The following ST6GALNAC1 variants were observed in gnomAD, a reference collection of about 807,000 sequenced individuals.
ST6GALNAC1 encodes the protein alpha-N-acetylgalactosaminide alpha-2,6-sialyltransferase 1.
Under a neutral mutation model 56.8 loss-of-function variants are expected in ST6GALNAC1, and 45 were observed. The ratio of observed to expected loss-of-function variants is 0.79; its 90% CI spans 0.62 to 1.02. The LOEUF (loss-of-function observed/expected upper bound fraction) is 1.02, where lower values mean the gene tolerates loss of function less well. Among genes scored for constraint, ST6GALNAC1 ranks in the 50% least tolerant of loss-of-function variants. The pLI is 0.00. For missense variants in ST6GALNAC1, 743 were observed against 754.8 expected (o/e 0.98, Z 0.18); for synonymous variants, 295 against 297.8 (o/e 0.99, Z 0.10).
the ST6GALNAC1 span, among the ~76,000 whole-genome samples, chr17:76,619,677 T>C: frequency 6.6e-6 from 1 of 152,008 alleles, no homozygotes; most frequent in African/African-American, 2.4e-5. Flanking sequence ...ATTCTGAGGA[T>C]ATATAATTGA....
Position 76,625,359 on chromosome 17 carries a change from C to T in ST6GALNAC1, c.1774G>A (p.Gly592Ser). The T allele has an allele frequency of 6.2e-7, 1 of 1,613,784 alleles. No individual in the cohort carries two copies. The highest frequency in any genetic ancestry group is 8.5e-7 in the Non-Finnish European group (1 of 1,180,022). The change falls in exon 9 of 9, where the codon GGT (glycine) becomes AGT (serine). Residue 592 changes from glycine (G) to serine (S), a missense_variant. Coordinates refer to ENST00000156626, the MANE Select transcript of ST6GALNAC1 (RefSeq NM_018414.5). ...EGIIRLYQRP[G>S]PGTAKAKN ...TTCTTGGCTTTGGCAGTTCCGGGAC[C>T]AGGACGCTGGTACAGCCGGATTATC...
intron 6 of ST6GALNAC1, 65 bp from the exon 7 acceptor site, chr17:76,626,160 G>T (rs1230657262): frequency 1.9e-6 from 3 of 1,575,268 alleles, no homozygotes; most frequent in Non-Finnish European, 2.6e-6. Flanking sequence ...GCCAAGTCAG[G>T]GTCATGAGCA....
At chr17:76,622,563 C>T (rs2075752543), downstream of ST6GALNAC1, among the ~76,000 whole-genome samples, 1 of 152,028 alleles carries the variant, frequency 6.6e-6, no homozygotes, top group Admixed American at 6.6e-5. Flanking sequence ...TGGGGTTTCG[C>T]CATGTTGGCC....
chr17:76,629,133 G>A lies in ST6GALNAC1; in HGVS notation c.710C>T (p.Pro237Leu), dbSNP rs1214124756. The A allele has an allele frequency of 6.2e-7, 1 of 1,613,508 alleles. No individual in the cohort carries two copies. Among genetic ancestry groups the A allele is most frequent in the South Asian group, 1.1e-5 (1 of 91,078 alleles). ...KEKKPQATPP[P>L]APFQSPTTQR... ...CGTCGTGGGGCTCTGGAAAGGGGCA[G>A]GGGGTGGGGTGGCCTGAGGTTTCTT... The change falls in exon 2 of 9, where the codon CCT becomes CTT. Residue 237 changes from proline to leucine, a missense_variant. Physicochemically the swap from Pro to Leu is moderately conservative, Grantham distance 98. Coordinates refer to ENST00000156626, the MANE Select transcript of ST6GALNAC1 (RefSeq NM_018414.5).
intron 8 of ST6GALNAC1, 91 bp from the exon 9 acceptor site, chr17:76,625,618 C>T: frequency 6.8e-7 from 1 of 1,476,160 alleles, no homozygotes; most frequent in Non-Finnish European, 9.2e-7. Flanking sequence ...GGTGGGGGTT[C>T]TTTTCCCTGG....
In ST6GALNAC1 at chr17:76,625,364, C is replaced by G; in HGVS notation, c.1769G>C (p.Arg590Pro). Residue 590 changes from arginine to proline, a missense_variant, in exon 9 of 9, where the codon CGT (arginine) becomes CCT (proline). Transcript: ENST00000156626. ...GGCTTTGGCAGTTCCGGGACCAGGA[C>G]GCTGGTACAGCCGGATTATCCCTTC... ...HDEGIIRLYQ[R>P]PGPGTAKAKN The G allele has an allele frequency of 6.2e-7, 1 of 1,613,874 alleles. No individual in the cohort carries two copies. The highest frequency in any genetic ancestry group is 8.5e-7 in the Non-Finnish European group (1 of 1,180,030).
downstream of ST6GALNAC1, among the ~76,000 whole-genome samples, chr17:76,621,099 C>G (rs758117191): frequency 2.6e-5 from 4 of 152,058 alleles, no homozygotes; most frequent in Admixed American, 6.6e-5. Context: ...AGACTGTAAA[C>G]TGTTCAGATT....
intron 1 of ST6GALNAC1, among the ~76,000 whole-genome samples, chr17:76,631,065 C>CTGTG (rs34663902): frequency 6.9e-4 from 102 of 146,912 alleles, no homozygotes; most frequent in South Asian, 2.0e-3. Flanking sequence ...CAGCTAATCT[C>CTGTG]TGTGTGTGTG....
intron 1 of ST6GALNAC1, among the ~76,000 whole-genome samples, chr17:76,631,289 C>T (rs1028699259): frequency 7.9e-5 from 12 of 152,086 alleles, no homozygotes; most frequent in Non-Finnish European, 1.8e-4. Flanking sequence ...AATGCCTCTG[C>T]CTTTGTTATA....
In ST6GALNAC1 at chr17:76,626,782, C is replaced by T. The variant is rs752583805; in HGVS notation, c.1180G>A (p.Gly394Arg). Residue 394 changes from glycine to arginine, a missense_variant, in exon 5 of 9, where the codon GGA becomes AGA. Transcript: ENST00000156626. ...DSHDYVFRLSGALIKGYEQDV... is the reference protein window; with the variant it reads ...DSHDYVFRLSRALIKGYEQDV... Reference sequence around the variant, plus strand: ...TGTTCGTAGCCTTTAATGAGAGCTCCGCTCAATCTGTGCAGAAAGACACAA... The same window carrying T: ...TGTTCGTAGCCTTTAATGAGAGCTCTGCTCAATCTGTGCAGAAAGACACAA... The T allele has an allele frequency of 3.7e-5, 60 of 1,613,890 alleles. No individual in the cohort carries two copies. The highest frequency in any genetic ancestry group is 2.2e-4 in the Admixed American group (13 of 59,972).
At position 76,627,557 on chromosome 17, in the gene ST6GALNAC1, T is replaced by G. The variant is rs775013950; in HGVS notation, c.858A>C (p.Lys286Asn). 1.2e-6 allele frequency: 2 copies of G among 1,614,132 alleles called. No individual in the cohort carries two copies. Among genetic ancestry groups the G allele is most frequent in the Non-Finnish European group, 1.7e-6 (2 of 1,180,024 alleles). Residue 286 changes from lysine (K) to asparagine (N), a missense_variant, in exon 3 of 9, where the codon AAA becomes AAC. Coordinates refer to ENST00000156626, the MANE Select transcript of ST6GALNAC1 (RefSeq NM_018414.5). The surrounding 1 kb of genome is among the most constrained non-coding windows in gnomAD (Gnocchi z 4.4). ...QTTCPDSVKI[K>N]ASKSLWLQKL... ...TCTGGAGCCACAGCGACTTGGAGGCTTTGATCTTCACAGAGTCAGGGCAAG... is the reference window on the plus strand; with the variant it reads ...TCTGGAGCCACAGCGACTTGGAGGCGTTGATCTTCACAGAGTCAGGGCAAG...
Position 76,643,516 on chromosome 17 carries a change from CTTTG to C in ST6GALNAC1, c.119_122del (p.Thr40SerfsTer94). ...AAGGACAAGAATCTTACCTGGAAGG[CTTTG>C]TTTGAGGCTCCTTAATAAAAGAGGG... On this transcript the variant is annotated frameshift_variant, in exon 1 of 9. Transcript: ENST00000156626. LOFTEE classifies it high-confidence loss of function. 1.2e-6 allele frequency: 2 copies of C among 1,613,918 alleles called. No individual in the cohort carries two copies. The highest frequency in any genetic ancestry group is 1.7e-6 in the Non-Finnish European group (2 of 1,179,924).
At chr17:76,634,498 C>G (rs1251091781) in intron 1 of ST6GALNAC1, among the ~76,000 whole-genome samples, 1 of 152,094 alleles carries the variant, frequency 6.6e-6, no homozygotes. Flanking sequence ...GCTATTCCAG[C>G]CTCCTTTTGG....
At chr17:76,623,037 C>T (rs940313658), downstream of ST6GALNAC1, among the ~76,000 whole-genome samples, 1 of 152,194 alleles carries the variant, frequency 6.6e-6, no homozygotes, top group Non-Finnish European at 1.5e-5. Flanking sequence ...TTGTGATCCG[C>T]CTGCCTCGGC....
At chr17:76,638,431 C>T (rs1203868707) in intron 1 of ST6GALNAC1, among the ~76,000 whole-genome samples, 3 of 151,892 alleles carry the variant, frequency 2.0e-5, no homozygotes, top group African/African-American at 4.8e-5. Flanking sequence ...GGCTGGAGTG[C>T]AGTAGAGCAA....
chr17:76,622,126 A>G (rs1023930500), downstream of ST6GALNAC1, among the ~76,000 whole-genome samples: 1 of 149,944 alleles, frequency 6.7e-6, no homozygotes, highest in Non-Finnish European at 1.5e-5. Flanking sequence ...GTCAAACTGA[A>G]CATTTTTTTC....
the ST6GALNAC1 span, among the ~76,000 whole-genome samples, chr17:76,619,740 G>GTTTTTTTTTTTGTTTTTTTTTTTTTTTTT: frequency 9.8e-6 from 1 of 101,572 alleles, no homozygotes; most frequent in African/African-American, 3.9e-5. Context: ...AATAATGTTA[G>GTTTTTTTTTTTGTTTTTTTTTTTTTTTTT]TTTTTTTTTT....
downstream of ST6GALNAC1, among the ~76,000 whole-genome samples, chr17:76,622,234 T>A (rs2075749001): frequency 7.2e-6 from 1 of 139,412 alleles, no homozygotes; most frequent in South Asian, 2.5e-4. Context: ...TTTGGTCTAT[T>A]TTCCTCAAAG....
At position 76,625,545 on chromosome 17, in the gene ST6GALNAC1, G is replaced by C; in HGVS notation, c.1606-18C>G. The C allele has an allele frequency of 6.2e-7, 1 of 1,612,352 alleles. No homozygotes were observed. Among genetic ancestry groups the C allele is most frequent in the Non-Finnish European group, 8.5e-7 (1 of 1,179,750 alleles). ...GCACTCACCTACATCACGGTTGGAG[G>C]AGAAACACGGCCTGTAGTTGCTGTT... On this transcript the variant is annotated intron_variant, in intron 8 of 8. Coordinates refer to ENST00000156626, the MANE Select transcript of ST6GALNAC1 (RefSeq NM_018414.5).
Sources: allele counts gnomAD v4.1 joint callset (sites outside exome capture counted in the v4.1 genomes callset), GRCh38; gene constraint gnomAD v4.1.1; non-coding constraint Gnocchi (gnomAD v3.1); transcripts MANE v1.5; gene names NCBI Gene and HGNC (gene_info 2026-07-23, HGNC 2026-07-21).